The following HEG1 variants were observed in gnomAD, a reference collection of about 807,000 sequenced individuals.
HEG1 encodes the protein heart development protein with EGF like domains 1.
Under a neutral mutation model 125.6 loss-of-function variants are expected in HEG1, and 56 were observed. The observed-to-expected ratio is 0.45, with a 90% CI of 0.36 to 0.56. The LOEUF is 0.56. HEG1 is among the 20% of genes least tolerant of loss of function. The pLI, the probability that HEG1 is intolerant of heterozygous loss-of-function variation, is 0.00. For missense variants in HEG1, 1,523 were observed against 1,670.0 expected (o/e 0.91, Z 1.53); for synonymous variants, 644 against 668.5 (o/e 0.96, Z 0.57).
chr3:125,012,937 A>T lies in HEG1; in HGVS notation c.2642T>A (p.Leu881His). 1 of 1,614,012 alleles carries T rather than the reference A, an allele frequency of 6.2e-7. No individual in the cohort carries two copies. The highest frequency in any genetic ancestry group is 1.1e-5 in the South Asian group (1 of 91,080). Residue 881 changes from leucine to histidine, a missense_variant, in exon 6 of 17, where the codon CTC (leucine) becomes CAC (histidine). By Grantham distance (99) the Leu-to-His change is moderately conservative. Transcript: ENST00000311127. ...IAVQTTAGKQ[L>H]SLTHPEILVP... is the part of the protein sequence containing the mutation. ...TAGTATTTCAGGATGGGTCAGCGAGAGCTGTTTTCCAGCTGTAGTCTGTAC... is the reference window on the plus strand; with the variant it reads ...TAGTATTTCAGGATGGGTCAGCGAGTGCTGTTTTCCAGCTGTAGTCTGTAC...
intron 14 of HEG1, among the ~76,000 whole-genome samples, chr3:124,978,998 T>C (rs1330126600): frequency 6.6e-6 from 1 of 151,722 alleles, no homozygotes; most frequent in Non-Finnish European, 1.5e-5. Flanking sequence ...TTGCCCAGTC[T>C]GGAGTGCAAT....
intron 3 of HEG1, 112 bp from the exon 4 acceptor site, chr3:125,021,242 A>G (rs576776719): frequency 1.3e-6 from 1 of 755,160 alleles, no homozygotes. Flanking sequence ...TCTAAATACC[A>G]TGGACCTAAT....
At chr3:124,985,251 T>C (rs1004576385) in intron 14 of HEG1, among the ~76,000 whole-genome samples, 15 of 152,092 alleles carry the variant, frequency 9.9e-5, no homozygotes, top group African/African-American at 3.6e-4. Context: ...CCACACTTAG[T>C]AGTAAGGAAA....
intron 12 of HEG1, among the ~76,000 whole-genome samples, chr3:124,995,023 G>A (rs1340657678): frequency 2.0e-5 from 3 of 152,246 alleles, no homozygotes; most frequent in Admixed American, 2.0e-4. Context: ...TCATTGCCAG[G>A]TGTGGTGGCT....
intron 12 of HEG1, among the ~76,000 whole-genome samples, chr3:124,992,701 T>G (rs148043152): frequency 6.6e-6 from 1 of 152,248 alleles, no homozygotes; most frequent in Non-Finnish European, 1.5e-5. Context: ...TCCTACTTTC[T>G]TAATGTTAGC....
chr3:125,048,179 G>A (rs946164219), intron 1 of HEG1, among the ~76,000 whole-genome samples: 1 of 152,162 alleles, frequency 6.6e-6, no homozygotes, highest in Non-Finnish European at 1.5e-5. Context: ...CTAGAATGAA[G>A]TTCAAGTACC....
At position 124,970,343 on chromosome 3, in the gene HEG1, A is replaced by G; in HGVS notation, c.*309T>C. ...AGGGAAAACCAGGTCCCTGCACTGA[A>G]GTCTAGTGGTCTGCCCTGGCTAATA... On this transcript the variant is annotated 3_prime_UTR_variant, in exon 17 of 17. Transcript: ENST00000311127. The G allele has an allele frequency of 3.8e-6, 1 of 265,776 alleles. No homozygotes were observed. The highest frequency in any genetic ancestry group is 7.1e-6 in the Non-Finnish European group (1 of 141,410). 16.5% of individuals were successfully genotyped at this position (265,776 alleles called of 1,614,324 possible).
In HEG1 at chr3:125,019,429, G is replaced by A; in HGVS notation, c.1421C>T (p.Ala474Val). ...TTSADVTGSSASYPEGVNASV... is the reference protein window; with the variant it reads ...TTSADVTGSSVSYPEGVNASV... Reference sequence around the variant, plus strand: ...AGCATTCACACCTTCAGGATATGAAGCAGAGCTTCCTGTCACATCTGCAGA... The same window carrying A: ...AGCATTCACACCTTCAGGATATGAAACAGAGCTTCCTGTCACATCTGCAGA... Residue 474 changes from alanine (A) to valine (V), a missense_variant, in exon 5 of 17, where the codon GCT becomes GTT. By Grantham distance (64) the Ala-to-Val change is moderately conservative (BLOSUM62 0). Coordinates refer to ENST00000311127, the MANE Select transcript of HEG1 (RefSeq NM_020733.2). The A allele has an allele frequency of 6.2e-7, 1 of 1,614,034 alleles. No individual in the cohort carries two copies. The highest frequency in any genetic ancestry group is 8.5e-7 in the Non-Finnish European group (1 of 1,179,900).
intron 1 of HEG1, among the ~76,000 whole-genome samples, chr3:125,046,398 TACACACAC>T (rs10522507): frequency 0.085 from 12,047 of 141,514 alleles, 548 homozygotes; most frequent in East Asian, 0.17. Flanking sequence ...TATATACACA[TACACACAC>T]ACACACACAC....
Position 125,013,407 on chromosome 3 carries a change from C to T in HEG1, c.2172G>A (p.Thr724=), listed in dbSNP as rs2107700813. The T allele has an allele frequency of 6.2e-7, 1 of 1,613,808 alleles. No individual in the cohort carries two copies. The highest frequency in any genetic ancestry group is 8.5e-7 in the Non-Finnish European group (1 of 1,179,866). ...SSPSPLPVSL[T]TSTSAPLSVS... ...CAGAAAGTGGGGCAGATGTAGATGT[C>T]GTTAAGGATACTGGTAAAGGTGATG... Residue 724 remains threonine (T), a synonymous_variant, in exon 6 of 17, where the codon ACG becomes ACA. Transcript: ENST00000311127.
At chr3:124,976,731 AG>A (rs937371249) in intron 15 of HEG1, among the ~76,000 whole-genome samples, 16 of 152,182 alleles carry the variant, frequency 1.1e-4, no homozygotes, top group African/African-American at 3.6e-4. Flanking sequence ...CTCTCATGAA[AG>A]GACTAATACC....
intron 16 of HEG1, among the ~76,000 whole-genome samples, chr3:124,973,331 A>G (rs1466399263): frequency 6.6e-6 from 1 of 152,182 alleles, no homozygotes; most frequent in Admixed American, 6.5e-5. Context: ...CACTGTGCCC[A>G]GCCACCAATC....
rs1936944700 is a variant in HEG1 at position 124,997,777 on chromosome 3, G to A, written c.3564C>T (p.Thr1188=). The change falls in exon 12 of 17, where the codon ACC becomes ACT. Residue 1188 remains threonine, a synonymous_variant. Transcript: ENST00000311127. The part of the protein sequence containing the change: ...KRKSPECDKD[T]SICTDLDGVA... ...CGCCGTCCAGGTCAGTGCAGATGGA[G>A]GTGTCTTTGTCACATTCGGGACTCT... 1 of 1,599,030 alleles carries A rather than the reference G, an allele frequency of 6.3e-7. No individual in the cohort carries two copies. The highest frequency in any genetic ancestry group is 8.5e-7 in the Non-Finnish European group (1 of 1,169,986).
chr3:124,970,666 T>C lies in HEG1; in HGVS notation c.4132A>G (p.Arg1378Gly). 1 of 1,601,700 alleles carries C rather than the reference T, an allele frequency of 6.2e-7. No homozygotes were observed. The highest frequency in any genetic ancestry group is 8.5e-7 in the Non-Finnish European group (1 of 1,174,050). The part of the protein sequence containing the change: ...PSFISDESRR[R>G]DYF ...CTCTCCTGGACTTAAAAGTAGTCTC[T>C]TCTTCTGCTTTCATCACTGATGAAA... The change falls in exon 17 of 17, where the codon AGA (arginine) becomes GGA (glycine). Residue 1378 changes from arginine to glycine, a missense_variant. Coordinates refer to ENST00000311127, the MANE Select transcript of HEG1 (RefSeq NM_020733.2).
At chr3:125,000,031 C>A (rs889629186) in intron 11 of HEG1, among the ~76,000 whole-genome samples, 8 of 152,178 alleles carry the variant, frequency 5.3e-5, no homozygotes, top group African/African-American at 1.9e-4. Context: ...GCTGTCAAGG[C>A]CACCTCTCTA....
At position 125,020,796 on chromosome 3, in the gene HEG1, G is replaced by A; in HGVS notation, c.1248C>T (p.Ser416=). The change falls in exon 4 of 17, where the codon TCC becomes TCT. Residue 416 remains serine, a synonymous_variant. Transcript: ENST00000311127. The part of the protein sequence containing the change: ...GLTSLRWQND[S]PTFGEHQLAS... ...AAGTAAAGATGGAATACTTACTTGGGGAATCATTTTGCCAACGCAAAGACG... is the reference window on the plus strand; with the variant it reads ...AAGTAAAGATGGAATACTTACTTGGAGAATCATTTTGCCAACGCAAAGACG... 1 of 1,610,834 alleles carries A rather than the reference G, an allele frequency of 6.2e-7. No individual in the cohort carries two copies. Among genetic ancestry groups the A allele is most frequent in the Non-Finnish European group, 8.5e-7 (1 of 1,177,764 alleles).
intron 1 of HEG1, among the ~76,000 whole-genome samples, chr3:125,038,930 G>A (rs1227852615): frequency 6.6e-6 from 1 of 152,200 alleles, no homozygotes; most frequent in Non-Finnish European, 1.5e-5. Flanking sequence ...CACCCTGGAG[G>A]CTTAGTAGGC....
rs577710887 is a variant in HEG1, at chr3:125,023,983, A to G, written c.914-2853T>C. 6.0e-4 allele frequency among the ~76,000 whole-genome samples: 92 copies of G among 152,276 alleles called. 1 individual carries two copies. In the South Asian group the frequency reaches 0.011, roughly 19 times the overall value. On this transcript the variant is annotated intron_variant, in intron 3 of 16. Coordinates refer to ENST00000311127, the MANE Select transcript of HEG1 (RefSeq NM_020733.2). ...TACAGCTGAAGCAGCTATTTGAGAA[A>G]GATACGTCACATCTGCAATCTTCTG...
chr3:124,985,653 G>A (rs921975251), intron 14 of HEG1, among the ~76,000 whole-genome samples: 4 of 152,168 alleles, frequency 2.6e-5, no homozygotes, highest in Admixed American at 1.3e-4. Flanking sequence ...GATATTTTAC[G>A]TGTTTAAAAA....
Sources: allele counts gnomAD v4.1 joint callset (sites outside exome capture counted in the v4.1 genomes callset), GRCh38; gene constraint gnomAD v4.1.1; transcripts MANE v1.5; gene names NCBI Gene and HGNC (gene_info 2026-07-23, HGNC 2026-07-21).